The following RAP1GAP2 variants were observed in gnomAD, a reference collection of about 807,000 sequenced individuals.
The protein encoded by RAP1GAP2 is RAP1 GTPase activating protein 2.
Under a neutral mutation model 95.0 loss-of-function variants are expected in RAP1GAP2, and 27 were observed. That is an observed-to-expected ratio of 0.28 (90% CI 0.21 to 0.39). The LOEUF (loss-of-function observed/expected upper bound fraction) is 0.39, where lower values mean the gene tolerates loss of function less well. Among genes scored for constraint, RAP1GAP2 ranks in the 10% least tolerant of loss-of-function variants. RAP1GAP2 has a pLI of 1.00. For missense variants in RAP1GAP2, 771 were observed against 970.0 expected, an observed-to-expected ratio of 0.79 and a Z score of 2.72; for synonymous variants, 373 against 380.9, an observed-to-expected ratio of 0.98 and a Z score of 0.24.
At chr17:2,774,455 C>T (rs1244167996), upstream of RAP1GAP2, among the ~76,000 whole-genome samples, 1 of 147,404 alleles carries the variant, frequency 6.8e-6, no homozygotes, top group Non-Finnish European at 1.5e-5. Context: ...GACTATGGGA[C>T]TATGGGCTGG....
At chr17:2,998,107 C>T (rs569914082) in intron 13 of RAP1GAP2, 114 bp from the exon 14 acceptor site, 1 of 1,203,964 alleles carries the variant, frequency 8.3e-7, no homozygotes, top group African/African-American at 1.5e-5. Context: ...ACGAACTCTT[C>T]TCACTCAGAA....
intron 9 of RAP1GAP2, among the ~76,000 whole-genome samples, chr17:2,980,934 T>C (rs1014266770): frequency 2.0e-5 from 3 of 152,170 alleles, no homozygotes; most frequent in Non-Finnish European, 2.9e-5. Context: ...GTGGGCTGGA[T>C]AGTTTTTGGC....
rs114316665 is a variant in RAP1GAP2 at position 2,808,111 on chromosome 17, G to A, written c.80+7561G>A. Among the ~76,000 whole-genome samples the A allele has an allele frequency of 4.0e-3, 611 of 152,202 alleles. 3 individuals are homozygous for A. Among genetic ancestry groups the A allele is most frequent in the African/African-American group, 0.014 (568 of 41,536 alleles). On this transcript the variant is annotated intron_variant, in intron 2 of 24. Coordinates refer to ENST00000254695, the MANE Select transcript of RAP1GAP2 (RefSeq NM_015085.5). Reference sequence around the variant, plus strand: ...TGCTGAGCTTTTTTCCTTTCGCCCAGTAAATCCCGTTGTTCTCACCCTTCT... The same window carrying A: ...TGCTGAGCTTTTTTCCTTTCGCCCAATAAATCCCGTTGTTCTCACCCTTCT...
At chr17:2,837,604 CTTCTT>C in intron 2 of RAP1GAP2, among the ~76,000 whole-genome samples, 1 of 115,372 alleles carries the variant, frequency 8.7e-6, no homozygotes, top group East Asian at 2.5e-4. Context: ...GTCAGCCCTG[CTTCTT>C]TTTTTTTTTT....
chr17:2,988,263 T>C (rs759455623), intron 11 of RAP1GAP2, among the ~76,000 whole-genome samples: 2 of 151,604 alleles, frequency 1.3e-5, no homozygotes, highest in African/African-American at 2.4e-5. Context: ...TAGATTCACA[T>C]AGAGTTGTAA....
At chr17:3,014,241 C>T (rs1043750015) in intron 17 of RAP1GAP2, among the ~76,000 whole-genome samples, 5 of 152,104 alleles carry the variant, frequency 3.3e-5, no homozygotes, top group African/African-American at 1.2e-4. Context: ...GGACACACGT[C>T]GGCTATAGAG....
rs1597326544 is a variant in RAP1GAP2 at position 2,797,893 on chromosome 17, C to T, written c.44+1322C>T. The T allele has an allele frequency of 1.6e-6, 1 of 630,330 alleles. No homozygotes were observed. Among genetic ancestry groups the T allele is most frequent in the Non-Finnish European group, 2.0e-6 (1 of 505,982 alleles). 39.0% of individuals were successfully genotyped at this position (630,330 alleles called of 1,614,324 possible). On this transcript the variant is annotated intron_variant, in intron 1 of 24. Transcript: ENST00000254695. This position sits in a 1 kb window ranked among gnomAD's most constrained non-coding sequence, Gnocchi z 5.6. ...CAGGGCCCAGCAATTAGATTGTGCCCTCCAAGGCCCGCCTTTCTCTGGGAG... is the reference window on the plus strand; with the variant it reads ...CAGGGCCCAGCAATTAGATTGTGCCTTCCAAGGCCCGCCTTTCTCTGGGAG...
rs2072675641 is a variant in RAP1GAP2, at chr17:2,867,784, G to T, written c.81-37500G>T. On this transcript the variant is annotated intron_variant, in intron 2 of 24. Transcript: ENST00000254695. The surrounding 1 kb of genome is among the most constrained non-coding windows in gnomAD (Gnocchi z 4.5). ...ATGCCAACAGCTGTCCACTCTGCTG[G>T]CCCTAGTGGCTTAGTTGATGCTGAT... Among the ~76,000 whole-genome samples the T allele has an allele frequency of 6.6e-6, 1 of 152,150 alleles. No individual in the cohort carries two copies. Among genetic ancestry groups the T allele is most frequent in the Non-Finnish European group, 1.5e-5 (1 of 68,038 alleles).
At position 3,006,529 on chromosome 17, in the gene RAP1GAP2, G is replaced by T. The variant is rs185598962; in HGVS notation, c.1359+488G>T. The stretch of plus-strand genomic sequence containing the variant: ...GCTCACTGCAAGCTCTGCCTCCCGG[G>T]TTCACACCATACTCCTGCCTCAGCC... On this transcript the variant is annotated intron_variant, in intron 16 of 24. Coordinates refer to ENST00000254695, the MANE Select transcript of RAP1GAP2 (RefSeq NM_015085.5). 1.5e-3 allele frequency among the ~76,000 whole-genome samples: 232 copies of T among 150,776 alleles called. 1 individual carries two copies. Among genetic ancestry groups the T allele is most frequent in the African/African-American group, 5.5e-3 (223 of 40,898 alleles).
chr17:2,815,157 TGTTACCAGCGCTGAG>T (rs2069951562), intron 2 of RAP1GAP2, among the ~76,000 whole-genome samples: 1 of 152,158 alleles, frequency 6.6e-6, no homozygotes, highest in Admixed American at 6.5e-5. Context: ...GAAACCTGTG[TGTTACCAGCGCTGAG>T]GTGCTGCTGA....
chr17:3,032,418 A>G lies in RAP1GAP2; in HGVS notation c.2192A>G (p.Ter731=). The G allele has an allele frequency of 6.2e-7, 1 of 1,613,914 alleles. No individual in the cohort carries two copies. Among genetic ancestry groups the G allele is most frequent in the Non-Finnish European group, 8.5e-7 (1 of 1,179,798 alleles). Reference sequence around the variant, plus strand: ...GGATTTTTGTTGAAACAGGGTCACTAATGTGAAAGTGGAGTCCTTCGCCTG... The same window carrying G: ...GGATTTTTGTTGAAACAGGGTCACTGATGTGAAAGTGGAGTCCTTCGCCTG... ...LSHASSGAGH[*] Residue 731 remains the stop codon, a stop_retained_variant, in exon 24 of 25, where the codon TAA becomes TGA. Transcript: ENST00000254695.
intron 17 of RAP1GAP2, among the ~76,000 whole-genome samples, chr17:3,012,562 G>T (rs1202186551): frequency 7.3e-6 from 1 of 137,268 alleles, no homozygotes; most frequent in Admixed American, 7.7e-5. Flanking sequence ...AGGTTGCAGT[G>T]AGCTGAGATT....
intron 22 of RAP1GAP2, among the ~76,000 whole-genome samples, chr17:3,028,886 C>T (rs1259870907): frequency 2.0e-5 from 3 of 152,134 alleles, no homozygotes; most frequent in Non-Finnish European, 2.9e-5. Context: ...CTGCAACCTC[C>T]GCCTCCCAGG....
rs150669474 is a variant in RAP1GAP2, at chr17:2,891,330, A to G, written c.81-13954A>G. Among the ~76,000 whole-genome samples the G allele has an allele frequency of 9.9e-5, 15 of 151,624 alleles. No individual in the cohort carries two copies. In the East Asian group the frequency reaches 2.9e-3, roughly 30 times the overall value. Reference sequence around the variant, plus strand: ...GCCTGGCTAATTTTTGTGGAGAGACATGGTCTCACTATATTGCCCAAACTG... The same window carrying G: ...GCCTGGCTAATTTTTGTGGAGAGACGTGGTCTCACTATATTGCCCAAACTG... On this transcript the variant is annotated intron_variant, in intron 2 of 24. Transcript: ENST00000254695.
chr17:2,780,104 G>T (rs553744671), intron 1 of RAP1GAP2, among the ~76,000 whole-genome samples: 2 of 152,202 alleles, frequency 1.3e-5, no homozygotes, highest in Non-Finnish European at 2.9e-5. Flanking sequence ...AGGCTGGAGT[G>T]CAGTGGCGCG....
chr17:2,933,722 T>C (rs1228869569), intron 3 of RAP1GAP2, among the ~76,000 whole-genome samples: 1 of 152,202 alleles, frequency 6.6e-6, no homozygotes. Flanking sequence ...CCTGGCAAGG[T>C]TAGTCTTGAA....
At chr17:2,759,725 A>C (rs973419385) in intron 1 of RAP1GAP2, among the ~76,000 whole-genome samples, 2 of 152,024 alleles carry the variant, frequency 1.3e-5, no homozygotes, top group Non-Finnish European at 2.9e-5. Flanking sequence ...TGCTGGGATT[A>C]CAGGCATGAG....
rs556334531 is a variant in RAP1GAP2 at position 2,765,599 on chromosome 17, C to T, written c.51-4730C>T. Among the ~76,000 whole-genome samples, 47 of 151,808 alleles carry T rather than the reference C, an allele frequency of 3.1e-4. 1 individual carries two copies. Among genetic ancestry groups the T allele is most frequent in the Non-Finnish European group, 5.9e-4 (40 of 67,958 alleles). ...TACTAAAATAATACAAAAAATTAGC[C>T]GGGCATGGTGGTGGGCGCCTGTAGT... On this transcript the variant is annotated intron_variant, in intron 1 of 25. Coordinates refer to the RAP1GAP2 transcript ENST00000637138.
rs540728394 is a variant in RAP1GAP2, at chr17:2,946,169, C to T, written c.166-11590C>T. Among the ~76,000 whole-genome samples, 72 of 152,268 alleles carry T rather than the reference C, an allele frequency of 4.7e-4. 2 individuals are homozygous for T. The highest frequency in any genetic ancestry group is 1.6e-3 in the African/African-American group (65 of 41,552). ...CACTTGGTCATGGAATATAACAGTA[C>T]GCTGTTGGATTTGGTTTATTGGTAC... On this transcript the variant is annotated intron_variant, in intron 3 of 24. Coordinates refer to ENST00000254695, the MANE Select transcript of RAP1GAP2 (RefSeq NM_015085.5).
Sources: gnomAD v4.1 joint callset for allele counts (sites outside exome capture counted in the v4.1 genomes callset) on GRCh38, gnomAD v4.1.1 for gene constraint, Gnocchi (gnomAD v3.1) non-coding constraint, MANE v1.5 for transcripts, NCBI Gene and HGNC (gene_info 2026-07-23, HGNC 2026-07-21) for gene names.